The following XXYLT1 variants were observed in gnomAD, a reference collection of about 807,000 sequenced individuals.
XXYLT1 encodes xyloside xylosyltransferase 1, also known as UDP-xylose:alpha-xyloside alpha-1,3-xylosyltransferase.
In XXYLT1, 20 loss-of-function variants were observed where a neutral mutation model predicts 28.9. The ratio of observed to expected loss-of-function variants is 0.69; its 90% CI spans 0.49 to 1.00. The LOEUF is 1.00. Among genes scored for constraint, XXYLT1 ranks in the 50% least tolerant of loss-of-function variants. The pLI is 0.00. For missense variants in XXYLT1, 542 were observed against 560.1 expected (o/e 0.97, Z 0.33); for synonymous variants, 257 against 253.8 (o/e 1.01, Z -0.12).
chr3:195,072,226 G>A (rs1714861468), intron 3 of XXYLT1, among the ~76,000 whole-genome samples: 4 of 151,518 alleles, frequency 2.6e-5, no homozygotes, highest in Admixed American at 2.0e-4. Flanking sequence ...CTGAGGACAC[G>A]ATGCTGCACC....
intron 3 of XXYLT1, among the ~76,000 whole-genome samples, chr3:195,097,672 G>A (rs1409454411): frequency 4.6e-5 from 7 of 152,232 alleles, no homozygotes; most frequent in South Asian, 2.1e-4. Context: ...GACTGTCCTC[G>A]GCTGCCTCTC....
chr3:195,083,336 CTCGAAAGACTCCTCCCAG>C (rs1715544016), intron 3 of XXYLT1, among the ~76,000 whole-genome samples: 1 of 152,130 alleles, frequency 6.6e-6, no homozygotes, highest in Non-Finnish European at 1.5e-5. Context: ...GACAGAACCT[CTCGAAAGACTCCTCCCAG>C]GCTGGAGTCC....
chr3:195,147,371 A>C (rs1207229231), intron 3 of XXYLT1, among the ~76,000 whole-genome samples: 1 of 152,140 alleles, frequency 6.6e-6, no homozygotes, highest in Admixed American at 6.5e-5. Context: ...GGAGTTCGAG[A>C]CCAGCCTGGC....
At chr3:195,094,539 C>T (rs1159380474) in intron 3 of XXYLT1, 1 of 154,008 alleles carries the variant, frequency 6.5e-6, no homozygotes, top group Non-Finnish European at 1.5e-5. Flanking sequence ...CCGCGGAGAC[C>T]TCCGGAAGCC....
intron 3 of XXYLT1, among the ~76,000 whole-genome samples, chr3:195,143,083 G>A (rs1327945013): frequency 6.6e-6 from 1 of 152,194 alleles, no homozygotes; most frequent in Non-Finnish European, 1.5e-5. Context: ...GCTTGGCCTT[G>A]ACATTTAGTT....
At position 195,076,440 on chromosome 3, in the gene XXYLT1, C is replaced by T. The variant is rs558560714; in HGVS notation, c.786-6329G>A. On this transcript the variant is annotated intron_variant, in intron 3 of 3. Transcript: ENST00000310380. The surrounding 1 kb of genome is among the most constrained non-coding windows in gnomAD (Gnocchi z 5.3). ...GGCCTTCGGTGGGAGGAGGGACAGT[C>T]GTGACAGGGCACTGGGGTGGCTACT... Among the ~76,000 whole-genome samples the T allele has an allele frequency of 4.6e-5, 7 of 152,060 alleles. No individual in the cohort carries two copies. In the East Asian group the frequency reaches 9.7e-4, roughly 21 times the overall value.
intron 3 of XXYLT1, chr3:195,134,390 T>G (rs537512214): frequency 2.6e-5 from 4 of 152,308 alleles, no homozygotes; most frequent in Non-Finnish European, 4.4e-5. Context: ...GGCACCATTT[T>G]TCATGTTTTA....
intron 3 of XXYLT1, chr3:195,154,127 C>G (rs929383186): frequency 2.6e-5 from 4 of 152,200 alleles, no homozygotes; most frequent in Non-Finnish European, 5.9e-5. Context: ...AGGGCTCCAC[C>G]ACCACCAGGA....
intron 3 of XXYLT1, among the ~76,000 whole-genome samples, chr3:195,130,543 CG>C (rs1718852349): frequency 6.6e-6 from 1 of 152,164 alleles, no homozygotes; most frequent in Non-Finnish European, 1.5e-5. Flanking sequence ...TTCCTACTTA[CG>C]GGTGAAGTGT....
Position 195,270,779 on chromosome 3 carries a change from C to T in XXYLT1, c.280G>A (p.Ala94Thr), listed in dbSNP as rs749298106. 2.5e-6 allele frequency: 4 copies of T among 1,571,696 alleles called. No individual in the cohort carries two copies. In the Admixed American group the frequency reaches 7.2e-5, roughly 28 times the overall value. The stretch of plus-strand genomic sequence containing the variant: ...AGCAGGTGGTAGTCCACCGGCCCGG[C>T]ACCGCCGCCCTCCAAGCTCTTGGCC... ...AKAKSLEGGGAGPVDYHLLMM... is the reference protein window; with the variant it reads ...AKAKSLEGGGTGPVDYHLLMM... Residue 94 changes from alanine (A) to threonine (T), a missense_variant, in exon 1 of 4, where the codon GCC becomes ACC. Ala to Thr is a moderately conservative substitution (Grantham distance 58). Coordinates refer to ENST00000310380, the MANE Select transcript of XXYLT1 (RefSeq NM_152531.5).
intron 1 of XXYLT1, 80 bp downstream of exon 1, chr3:195,270,475 T>A: frequency 1.5e-6 from 2 of 1,343,384 alleles, no homozygotes; most frequent in Non-Finnish European, 1.9e-6. Context: ...GTTCCCCGGA[T>A]CCCCTCCGGG....
chr3:195,247,667 G>A (rs914055530), intron 1 of XXYLT1: 16 of 584,640 alleles, frequency 2.7e-5, no homozygotes, highest in South Asian at 7.8e-5. Flanking sequence ...CGAACCCTCC[G>A]ACCCCAGGGC....
At chr3:195,135,827 C>T (rs1268564379) in intron 3 of XXYLT1, among the ~76,000 whole-genome samples, 2 of 152,104 alleles carry the variant, frequency 1.3e-5, no homozygotes, top group South Asian at 2.1e-4. Flanking sequence ...GATGGCAGGA[C>T]GGCAGTCAGG....
chr3:195,217,608 G>A lies in XXYLT1; in HGVS notation c.652+9101C>T, dbSNP rs1277896572. Among the ~76,000 whole-genome samples, 16 of 128,676 alleles carry A rather than the reference G, an allele frequency of 1.2e-4. No homozygotes were observed. The East Asian group carries it at 3.6e-3, about 29-fold the overall frequency. 84.4% of individuals were successfully genotyped at this position (128,676 alleles called of 152,430 possible). On this transcript the variant is annotated intron_variant, in intron 2 of 3. Transcript: ENST00000310380. ...ATACCTAGGAATCCAACTTACAAGG[G>A]ATGTGAAGGACCTCTTCAAGGAGAA...
rs116913872 is a variant in XXYLT1 at position 195,211,758 on chromosome 3, G to A, written c.652+14951C>T. On this transcript the variant is annotated intron_variant, in intron 2 of 3. Coordinates refer to ENST00000310380, the MANE Select transcript of XXYLT1 (RefSeq NM_152531.5). ...AGATGAGCACGATTTCACACAGGAC[G>A]GCCAGGGATGGCCTCATTGCACAAA... is the stretch of plus-strand genomic sequence containing the variant. Among the ~76,000 whole-genome samples, 24 of 152,364 alleles carry A rather than the reference G, an allele frequency of 1.6e-4. No individual in the cohort carries two copies. In the East Asian group the frequency reaches 4.1e-3, roughly 26 times the overall value.
intron 3 of XXYLT1, among the ~76,000 whole-genome samples, chr3:195,139,792 T>G (rs1487031226): frequency 6.6e-6 from 1 of 152,176 alleles, no homozygotes; most frequent in Non-Finnish European, 1.5e-5. Flanking sequence ...AATGGGAGCC[T>G]GCGTTTCCAT....
At chr3:195,148,588 G>A (rs753611471) in intron 3 of XXYLT1, among the ~76,000 whole-genome samples, 2 of 152,078 alleles carry the variant, frequency 1.3e-5, no homozygotes. Flanking sequence ...CCCTTACAAC[G>A]GAGGGCTTCA....
intron 1 of XXYLT1, among the ~76,000 whole-genome samples, chr3:195,230,548 G>GATTTT (rs1553826770): frequency 1.3e-5 from 2 of 151,894 alleles, no homozygotes; most frequent in African/African-American, 4.8e-5. Flanking sequence ...AATCCACTTT[G>GATTTT]TTTTTTTATA....
intron 3 of XXYLT1, among the ~76,000 whole-genome samples, chr3:195,072,245 C>G (rs10933694): frequency 0.1 from 15,572 of 152,238 alleles, 971 homozygotes; most frequent in East Asian, 0.3. Context: ...CCTGCAGATT[C>G]ACTGAGCCCT....
Sources: gnomAD v4.1 joint callset for allele counts (sites outside exome capture counted in the v4.1 genomes callset) on GRCh38, gnomAD v4.1.1 for gene constraint, Gnocchi (gnomAD v3.1) non-coding constraint, MANE v1.5 for transcripts, NCBI Gene and HGNC (gene_info 2026-07-23, HGNC 2026-07-21) for gene names.